The following LHFPL3 variants were observed in gnomAD, a reference collection of about 807,000 sequenced individuals.
LHFPL3 encodes LHFPL tetraspan subfamily member 3, also known as LHFPL tetraspan subfamily member 3 protein.
Under a neutral mutation model 19.3 loss-of-function variants are expected in LHFPL3, and 5 were observed. That is an observed-to-expected ratio of 0.26 (90% confidence interval 0.14 to 0.54). LHFPL3 has a LOEUF of 0.54. Ranked by LOEUF, LHFPL3 falls within the 20% of genes least tolerant of loss-of-function variation. The pLI is 0.94. For synonymous variants in LHFPL3, 133 were observed against 126.2 expected (o/e 1.05, Z -0.36); for missense variants, 249 against 307.4 (o/e 0.81, Z 1.42).
At chr7:104,576,458 T>C (rs1381798606) in intron 1 of LHFPL3, among the ~76,000 whole-genome samples, 1 of 152,146 alleles carries the variant, frequency 6.6e-6, no homozygotes, top group Non-Finnish European at 1.5e-5. Context: ...GTGGTGATTA[T>C]AAGTAGACTC....
intron 1 of LHFPL3, among the ~76,000 whole-genome samples, chr7:104,600,368 A>G (rs144838267): frequency 1.4e-4 from 22 of 152,340 alleles, no homozygotes; most frequent in African/African-American, 4.3e-4. Flanking sequence ...AGGAACAGGA[A>G]TTAATTCTAT....
At chr7:104,613,789 C>T (rs1263756625) in intron 1 of LHFPL3, among the ~76,000 whole-genome samples, 1 of 152,050 alleles carries the variant, frequency 6.6e-6, no homozygotes, top group African/African-American at 2.4e-5. Flanking sequence ...TTAATTCAAG[C>T]CTATTGCAAT....
chr7:104,752,023 C>T (rs1794183230), intron 2 of LHFPL3, among the ~76,000 whole-genome samples: 1 of 152,126 alleles, frequency 6.6e-6, no homozygotes, highest in Non-Finnish European at 1.5e-5. Context: ...GTGGCCGATA[C>T]TGAAGTTCAG....
At chr7:104,821,567 G>C (rs1790676742) in intron 2 of LHFPL3, among the ~76,000 whole-genome samples, 1 of 152,208 alleles carries the variant, frequency 6.6e-6, no homozygotes, top group Non-Finnish European at 1.5e-5. Context: ...GCAGAACTGT[G>C]TGGGTTCAGA....
chr7:104,750,094 A>T (rs1385991489), intron 2 of LHFPL3, among the ~76,000 whole-genome samples: 1 of 152,266 alleles, frequency 6.6e-6, no homozygotes, highest in Non-Finnish European at 1.5e-5. Context: ...TGAAGTAATC[A>T]TTAGCTGAAC....
At chr7:104,572,008 T>G (rs1790239765) in intron 1 of LHFPL3, among the ~76,000 whole-genome samples, 1 of 152,180 alleles carries the variant, frequency 6.6e-6, no homozygotes, top group South Asian at 2.1e-4. Flanking sequence ...CCTGAGCCAT[T>G]TGGTGGTTAT....
chr7:104,572,634 G>C (rs1379113920), intron 1 of LHFPL3, among the ~76,000 whole-genome samples: 1 of 151,990 alleles, frequency 6.6e-6, no homozygotes, highest in Non-Finnish European at 1.5e-5. Flanking sequence ...GATGATTTTG[G>C]AAAAGAGCCA....
chr7:104,595,718 C>T (rs1461769352), intron 1 of LHFPL3, among the ~76,000 whole-genome samples: 1 of 152,252 alleles, frequency 6.6e-6, no homozygotes, highest in Non-Finnish European at 1.5e-5. Context: ...GGGCTCCGCC[C>T]AGTTCGAGCT....
intron 2 of LHFPL3, among the ~76,000 whole-genome samples, chr7:104,896,962 TGTA>T (rs1377379083): frequency 2.0e-5 from 3 of 151,998 alleles, no homozygotes; most frequent in African/African-American, 7.2e-5. Context: ...GGCGCACACC[TGTA>T]GTCCCAGCTA....
intron 1 of LHFPL3, among the ~76,000 whole-genome samples, chr7:104,606,248 T>C (rs1043332797): frequency 6.6e-6 from 1 of 152,234 alleles, no homozygotes; most frequent in Non-Finnish European, 1.5e-5. Flanking sequence ...CTTTATTGAT[T>C]GGATCACTTC....
At chr7:104,684,954 C>A (rs903262916) in intron 1 of LHFPL3, among the ~76,000 whole-genome samples, 6 of 152,184 alleles carry the variant, frequency 3.9e-5, no homozygotes, top group African/African-American at 1.4e-4. Flanking sequence ...CATTCTATTT[C>A]TTTCATGGCA....
intron 1 of LHFPL3, among the ~76,000 whole-genome samples, chr7:104,642,310 G>A (rs1402309832): frequency 1.3e-5 from 2 of 151,986 alleles, no homozygotes; most frequent in Admixed American, 6.6e-5. Flanking sequence ...GTACAGTCGT[G>A]AGCCACCGTA....
At chr7:104,880,258 A>G (rs1792021118) in intron 2 of LHFPL3, among the ~76,000 whole-genome samples, 2 of 151,984 alleles carry the variant, frequency 1.3e-5, no homozygotes, top group Non-Finnish European at 2.9e-5. Context: ...GGTTGTTTAA[A>G]AGAGTGTGGC....
intron 1 of LHFPL3, among the ~76,000 whole-genome samples, chr7:104,514,519 C>G (rs771204376): frequency 1.1e-3 from 161 of 152,220 alleles, no homozygotes; most frequent in Admixed American, 7.9e-4. Flanking sequence ...AATGAACCAG[C>G]CAGTCTGTTT....
intron 1 of LHFPL3, among the ~76,000 whole-genome samples, chr7:104,332,295 T>C (rs1329331748): frequency 7.0e-6 from 1 of 142,724 alleles, no homozygotes; most frequent in East Asian, 2.2e-4. Context: ...AGTGGTGTGA[T>C]CTCGGCTCAC....
chr7:104,793,178 G>A (rs1441849464), intron 2 of LHFPL3, among the ~76,000 whole-genome samples: 6 of 152,178 alleles, frequency 3.9e-5, no homozygotes, highest in Non-Finnish European at 5.9e-5. Context: ...TTACAGGCGT[G>A]AGCCACCGCG....
At chr7:104,667,420 T>A (rs1334231462) in intron 1 of LHFPL3, among the ~76,000 whole-genome samples, 1 of 152,218 alleles carries the variant, frequency 6.6e-6, no homozygotes, top group Non-Finnish European at 1.5e-5. Context: ...TGCTGTTACT[T>A]CGTAGATTTG....
intron 1 of LHFPL3, among the ~76,000 whole-genome samples, chr7:104,430,438 A>ATATATG (rs1791969919): frequency 6.6e-5 from 1 of 15,092 alleles, no homozygotes; most frequent in Non-Finnish European, 1.1e-4. Context: ...ATATATATAT[A>ATATATG]TATATATATA....
chr7:104,798,368 G>C (rs1790173854), intron 2 of LHFPL3: 1 of 152,104 alleles, frequency 6.6e-6, no homozygotes, highest in Non-Finnish European at 1.5e-5. Flanking sequence ...TCATGTAAAT[G>C]ATTATTTAGG....
Sources: allele counts gnomAD v4.1 joint callset (sites outside exome capture counted in the v4.1 genomes callset), GRCh38; gene constraint gnomAD v4.1.1; transcripts MANE v1.5; gene names NCBI Gene and HGNC (gene_info 2026-07-23, HGNC 2026-07-21).